The following UVRAG variants were observed in gnomAD, a reference collection of about 807,000 sequenced individuals.
UVRAG encodes UV radiation resistance-associated gene protein.
In UVRAG, 19 loss-of-function variants were observed where a neutral mutation model predicts 78.0. The observed-to-expected ratio is 0.24, with a 90% CI of 0.17 to 0.36. The LOEUF (loss-of-function observed/expected upper bound fraction) is 0.36, where lower values mean the gene tolerates loss of function less well. Ranked by LOEUF, UVRAG falls within the 10% of genes least tolerant of loss-of-function variation. UVRAG has a pLI of 1.00. For missense variants in UVRAG, 740 were observed against 853.8 expected, an observed-to-expected ratio of 0.87 and a Z score of 1.66; for synonymous variants, 323 against 324.6, an observed-to-expected ratio of 1.00 and a Z score of 0.05.
At chr11:76,131,939 A>T (rs562143787) in intron 14 of UVRAG, among the ~76,000 whole-genome samples, 1 of 152,348 alleles carries the variant, frequency 6.6e-6, no homozygotes, top group African/African-American at 2.4e-5. Context: ...AATTTTGAAA[A>T]AAGGATAGTA....
At chr11:75,830,513 C>T (rs1325293475) in intron 1 of UVRAG, among the ~76,000 whole-genome samples, 4 of 151,544 alleles carry the variant, frequency 2.6e-5, no homozygotes, top group African/African-American at 9.7e-5. Context: ...CCTTGTGATC[C>T]ACCCGCCTCC....
chr11:76,037,040 A>G (rs1024046735), intron 12 of UVRAG, among the ~76,000 whole-genome samples: 2 of 152,218 alleles, frequency 1.3e-5, no homozygotes, highest in African/African-American at 4.8e-5. Flanking sequence ...AAAACTGAGT[A>G]AAGGCAAGAA....
chr11:75,937,316 C>T (rs959256101), intron 6 of UVRAG, among the ~76,000 whole-genome samples: 4 of 152,170 alleles, frequency 2.6e-5, no homozygotes, highest in East Asian at 1.9e-4. Context: ...CCAGCCTCAG[C>T]GACAGAGTGA....
intron 1 of UVRAG, among the ~76,000 whole-genome samples, chr11:75,842,055 A>G (rs1012188328): frequency 5.9e-5 from 9 of 152,166 alleles, no homozygotes; most frequent in Non-Finnish European, 8.8e-5. Flanking sequence ...GAGAACACCT[A>G]TGAAGCCCAT....
intron 7 of UVRAG, among the ~76,000 whole-genome samples, chr11:75,970,144 C>A (rs1470519173): frequency 6.6e-6 from 1 of 152,120 alleles, no homozygotes; most frequent in Admixed American, 6.5e-5. Flanking sequence ...TGTGTGCACA[C>A]ATATGCAGGC....
intron 12 of UVRAG, among the ~76,000 whole-genome samples, chr11:76,056,109 G>A (rs1950980785): frequency 6.6e-6 from 1 of 152,150 alleles, no homozygotes; most frequent in South Asian, 2.1e-4. Flanking sequence ...ACTCTCCCCT[G>A]AAACTTCCCT....
In UVRAG at chr11:76,141,070, G is replaced by T; in HGVS notation, c.1757G>T (p.Gly586Val). The part of the protein sequence containing the change: ...HANVHPSQEQ[G>V]EALSGHRATV... ...AATGTGCACCCTAGCCAAGAACAAGGAGAAGCCCTCTCCGGGCACCGGGCC... is the reference window on the plus strand; with the variant it reads ...AATGTGCACCCTAGCCAAGAACAAGTAGAAGCCCTCTCCGGGCACCGGGCC... Residue 586 changes from glycine to valine, a missense_variant, in exon 15 of 15, where the codon GGA becomes GTA. Gly to Val is a moderately radical substitution (Grantham distance 109). Coordinates refer to ENST00000356136, the MANE Select transcript of UVRAG (RefSeq NM_003369.4). 2 of 1,613,642 alleles carry T rather than the reference G, an allele frequency of 1.2e-6. No homozygotes were observed. Among genetic ancestry groups the T allele is most frequent in the South Asian group, 2.2e-5 (2 of 91,074 alleles).
chr11:76,023,171 A>T (rs1950276271), intron 12 of UVRAG, among the ~76,000 whole-genome samples: 1 of 151,934 alleles, frequency 6.6e-6, no homozygotes, highest in Admixed American at 6.6e-5. Flanking sequence ...TTATTTCTTT[A>T]TACAGCTTCA....
intron 13 of UVRAG, among the ~76,000 whole-genome samples, chr11:76,111,868 G>A (rs1292568773): frequency 6.7e-6 from 1 of 148,682 alleles, no homozygotes; most frequent in African/African-American, 2.5e-5. Context: ...TAAACTAACG[G>A]CCAAAGATTA....
intron 2 of UVRAG, among the ~76,000 whole-genome samples, chr11:75,857,048 A>G (rs1347540633): frequency 6.6e-6 from 1 of 152,346 alleles, no homozygotes; most frequent in Non-Finnish European, 1.5e-5. Context: ...AAATATATCC[A>G]TAACCTAATC....
intron 12 of UVRAG, among the ~76,000 whole-genome samples, chr11:76,051,437 C>T (rs2134351047): frequency 6.6e-6 from 1 of 152,134 alleles, no homozygotes; most frequent in South Asian, 2.1e-4. Context: ...ACTCTGTTCA[C>T]TGAAATTTGC....
chr11:75,829,809 T>C (rs966686501), intron 1 of UVRAG, among the ~76,000 whole-genome samples: 2 of 152,252 alleles, frequency 1.3e-5, no homozygotes, highest in African/African-American at 4.8e-5. Context: ...CTGAAATTAT[T>C]AATTTTCATG....
At chr11:75,821,503 C>T (rs553485592) in intron 1 of UVRAG, among the ~76,000 whole-genome samples, 3 of 152,264 alleles carry the variant, frequency 2.0e-5, no homozygotes, top group South Asian at 2.1e-4. Context: ...TGTGCCTCCA[C>T]GCCCAGCTAA....
At chr11:75,960,318 C>T (rs1414234339) in intron 6 of UVRAG, among the ~76,000 whole-genome samples, 1 of 151,308 alleles carries the variant, frequency 6.6e-6, no homozygotes, top group Non-Finnish European at 1.5e-5. Flanking sequence ...TGTATATTGA[C>T]CTTATATCCC....
intron 1 of UVRAG, among the ~76,000 whole-genome samples, chr11:75,837,995 G>A (rs117008109): frequency 0.017 from 2,568 of 152,162 alleles, 28 homozygotes; most frequent in Non-Finnish European, 0.028. Context: ...CAGCCTGGGT[G>A]ATAGAGTGAG....
Position 76,001,297 on chromosome 11 carries a change from A to G in UVRAG, c.827-2708A>G, listed in dbSNP as rs921399940. Among the ~76,000 whole-genome samples, 5 of 152,238 alleles carry G rather than the reference A, an allele frequency of 3.3e-5. No individual in the cohort carries two copies. The South Asian group carries it at 1.0e-3, about 31-fold the overall frequency. On this transcript the variant is annotated intron_variant, in intron 8 of 14. Transcript: ENST00000356136. ...AAGTATTTTGAAATGAATGAAAATGAAAATACATTTGAAGTTTGAGGTAAA... is the reference window on the plus strand; with the variant it reads ...AAGTATTTTGAAATGAATGAAAATGGAAATACATTTGAAGTTTGAGGTAAA...
At chr11:75,971,789 G>A (rs969690810) in intron 7 of UVRAG, among the ~76,000 whole-genome samples, 3 of 151,914 alleles carry the variant, frequency 2.0e-5, no homozygotes, top group Admixed American at 6.6e-5. Context: ...AGGTTCAAGC[G>A]ATTTTCCTCC....
At chr11:75,876,318 A>G (rs1009997212) in intron 3 of UVRAG, among the ~76,000 whole-genome samples, 4 of 152,188 alleles carry the variant, frequency 2.6e-5, no homozygotes, top group Admixed American at 2.0e-4. Context: ...CATGTTTACA[A>G]TTGCCAGTGC....
At chr11:75,923,388 C>T (rs889031582) in intron 6 of UVRAG, among the ~76,000 whole-genome samples, 3 of 152,040 alleles carry the variant, frequency 2.0e-5, no homozygotes, top group African/African-American at 7.3e-5. Context: ...CCGTCTCTCC[C>T]AAAATCATAA....
Sources: gnomAD v4.1 joint callset for allele counts (sites outside exome capture counted in the v4.1 genomes callset) on GRCh38, gnomAD v4.1.1 for gene constraint, MANE v1.5 for transcripts, NCBI Gene and HGNC (gene_info 2026-07-23, HGNC 2026-07-21) for gene names.